The following UNC13B variants were observed in gnomAD, a reference collection of about 807,000 sequenced individuals.
The protein encoded by UNC13B is unc-13 homolog B.
Under a neutral mutation model 211.0 loss-of-function variants are expected in UNC13B, and 144 were observed. That is an observed-to-expected ratio of 0.68 (90% CI 0.60 to 0.78). The LOEUF (loss-of-function observed/expected upper bound fraction) is 0.78, where lower values mean the gene tolerates loss of function less well. UNC13B is among the 30% of genes least tolerant of loss of function. The probability of loss-of-function intolerance (pLI) is 0.00; values close to 1 mark genes in which losing one functional copy is unlikely to be tolerated. For missense variants in UNC13B, 1,777 were observed against 2,002.0 expected, an observed-to-expected ratio of 0.89 and a Z score of 2.14; for synonymous variants, 709 against 725.8, an observed-to-expected ratio of 0.98 and a Z score of 0.37.
At chr9:35,379,687 A>T (rs1475833169) in intron 17 of UNC13B, among the ~76,000 whole-genome samples, 1 of 152,220 alleles carries the variant, frequency 6.6e-6, no homozygotes, top group Non-Finnish European at 1.5e-5. Flanking sequence ...GTGTATCCAA[A>T]AATGAATAGA....
chr9:35,359,736 C>T (rs1833270809), intron 11 of UNC13B, among the ~76,000 whole-genome samples: 1 of 152,152 alleles, frequency 6.6e-6, no homozygotes, highest in Non-Finnish European at 1.5e-5. Context: ...TATCTTGAAT[C>T]TTGCCATTAT....
chr9:35,204,306 A>C (rs1383856888), intron 1 of UNC13B, among the ~76,000 whole-genome samples: 3 of 152,208 alleles, frequency 2.0e-5, no homozygotes, highest in African/African-American at 7.2e-5. Context: ...GAGAACCTCT[A>C]CTAGTGCAGT....
rs1192824832 is a variant in UNC13B, at chr9:35,301,677, T to A, written c.2273T>A (p.Ile758Lys). 2.5e-6 allele frequency: 1 copy of A among 398,878 alleles called. No homozygotes were observed. The allele number at this position is 398,878 out of a possible 1,614,324, so 24.7% of individuals were successfully genotyped here. A position where few individuals can be genotyped will look rare whatever the true frequency, so the allele number is the denominator to read the frequency against. ...DESLLEEKLC[I>K]DLSLLPDQQK... ...AGTCTATTGGAAGAAAAACTCTGTATAGATCTGTCTCTTTTACCAGATCAA... is the reference window on the plus strand; with the variant it reads ...AGTCTATTGGAAGAAAAACTCTGTAAAGATCTGTCTCTTTTACCAGATCAA... Residue 758 changes from isoleucine to lysine, a missense_variant, in exon 9 of 40, where the codon ATA becomes AAA. Coordinates refer to ENST00000635942, the MANE Select transcript of UNC13B (RefSeq NM_001371189.2).
rs905632394 is a variant in UNC13B at position 35,403,665 on chromosome 9, G to C, written c.12737+66G>C. ...TAAGACTTGAGGGGTGGGGGGAGAG[G>C]AGGGCCCGGGGGGATGGCAGACTGG... On this transcript the variant is annotated intron_variant, in intron 39 of 39. Coordinates refer to ENST00000635942, the MANE Select transcript of UNC13B (RefSeq NM_001371189.2). The C allele has an allele frequency of 6.8e-6, 6 of 878,986 alleles. No individual in the cohort carries two copies. The African/African-American group carries it at 1.1e-4, about 16-fold the overall frequency. 54.4% of individuals were successfully genotyped at this position (878,986 alleles called of 1,614,324 possible).
chr9:35,262,262 T>A (rs1827321298), intron 7 of UNC13B, among the ~76,000 whole-genome samples: 1 of 151,854 alleles, frequency 6.6e-6, no homozygotes, highest in Non-Finnish European at 1.5e-5. Context: ...TCCCTTCCTT[T>A]CCTTTCCTTT....
chr9:35,291,050 T>C, intron 7 of UNC13B: 1 of 1,549,994 alleles, frequency 6.5e-7, no homozygotes, highest in South Asian at 1.2e-5. Context: ...TATCTGCTGC[T>C]TCTTTGTGGT....
At chr9:35,236,697 C>T (rs1825533658) in intron 4 of UNC13B, 111 bp downstream of exon 4, 2 of 1,000,284 alleles carry the variant, frequency 2.0e-6, no homozygotes, top group Admixed American at 2.0e-5. Context: ...ATTCTTCCCC[C>T]TTTCTAATTA....
Position 35,307,185 on chromosome 9 carries a change from A to G in UNC13B, c.7781A>G (p.Asn2594Ser), listed in dbSNP as rs570293553. ...AAACTAACAACCAAAATGGAAGACA[A>G]TAATACTCCTGAAAATATTCTGGAA... ...DPKLTTKMEDNNTPENILEPQ... is the reference protein window; with the variant it reads ...DPKLTTKMEDSNTPENILEPQ... The change falls in exon 9 of 40, where the codon AAT becomes AGT. Residue 2594 changes from asparagine (N) to serine (S), a missense_variant. Transcript: ENST00000635942. The G allele has an allele frequency of 1.8e-4, 70 of 398,990 alleles. No individual in the cohort carries two copies. Among genetic ancestry groups the G allele is most frequent in the Admixed American group, 4.4e-4 (10 of 22,744 alleles). The allele number at this position is 398,990 out of a possible 1,614,324, so 24.7% of individuals were successfully genotyped here.
At chr9:35,213,286 T>C (rs573249430) in intron 1 of UNC13B, among the ~76,000 whole-genome samples, 2 of 152,222 alleles carry the variant, frequency 1.3e-5, no homozygotes, top group East Asian at 3.9e-4. Flanking sequence ...AGTACCCTTA[T>C]AAGAACAGCA....
At chr9:35,199,312 T>C (rs1823131368) in intron 1 of UNC13B, among the ~76,000 whole-genome samples, 1 of 152,206 alleles carries the variant, frequency 6.6e-6, no homozygotes, top group Non-Finnish European at 1.5e-5. Context: ...TACGTGTGCC[T>C]GTGTCTTTAT....
Position 35,300,634 on chromosome 9 carries a change from T to C in UNC13B, c.1230T>C (p.Pro410=). 2.5e-6 allele frequency: 1 copy of C among 399,012 alleles called. No individual in the cohort carries two copies. Among genetic ancestry groups the C allele is most frequent in the Non-Finnish European group, 4.4e-6 (1 of 226,024 alleles). The allele number at this position is 399,012 out of a possible 1,614,324, so 24.7% of individuals were successfully genotyped here. ...ATGTCCACCATATTGGAGATTTTCC[T>C]GAGGAATATTATGTAGCAAATTCAG... is the stretch of plus-strand genomic sequence containing the variant. ...SSNVHHIGDF[P]EEYYVANSAL... is the part of the protein sequence containing the mutation. The change falls in exon 9 of 40, where the codon CCT becomes CCC. Residue 410 remains proline (P), a synonymous_variant. Transcript: ENST00000635942.
chr9:35,179,341 A>T (rs1821808545), intron 1 of UNC13B, among the ~76,000 whole-genome samples: 1 of 152,170 alleles, frequency 6.6e-6, no homozygotes, highest in Admixed American at 6.5e-5. Context: ...CTCTAGTTTA[A>T]TATTTTCATA....
intron 6 of UNC13B, among the ~76,000 whole-genome samples, chr9:35,247,357 C>T (rs1281142675): frequency 6.6e-6 from 1 of 152,132 alleles, no homozygotes; most frequent in Non-Finnish European, 1.5e-5. Context: ...CTTTGTCCTG[C>T]CTGATTGCCC....
Position 35,295,911 on chromosome 9 carries a change from C to G in UNC13B, c.742C>G (p.Pro248Ala). The change falls in exon 8 of 40, where the codon CCA becomes GCA. Residue 248 changes from proline to alanine, a missense_variant. By Grantham distance (27) the Pro-to-Ala change is conservative. Coordinates refer to ENST00000635942, the MANE Select transcript of UNC13B (RefSeq NM_001371189.2). ...TATGCAAAGTTATGACCTTGATTAT[C>G]CAGAGCGGCGGGCTATCAGGTGGGT... ...DSMQSYDLDY[P>A]ERRAIRYAQK... 6.2e-7 allele frequency: 1 copy of G among 1,611,720 alleles called. No homozygotes were observed. Among genetic ancestry groups the G allele is most frequent in the Non-Finnish European group, 8.5e-7 (1 of 1,178,890 alleles).
intron 3 of UNC13B, among the ~76,000 whole-genome samples, chr9:35,233,824 T>C (rs1031432616): frequency 6.6e-6 from 1 of 152,188 alleles, no homozygotes; most frequent in African/African-American, 2.4e-5. Context: ...TTGATTGAAT[T>C]AACAGAAAAG....
chr9:35,381,229 T>C lies in UNC13B; in HGVS notation c.10491+14T>C, dbSNP rs1208664365. The C allele has an allele frequency of 1.2e-6, 2 of 1,607,376 alleles. No individual in the cohort carries two copies. The highest frequency in any genetic ancestry group is 3.4e-5 in the Admixed American group (2 of 59,686). On this transcript the variant is annotated intron_variant, in intron 19 of 39. Transcript: ENST00000635942. ...TGTCTCCATGAGGTGAGCCAGCCCTTGGTAGGTGGGGGATCAGAAAGCAGT... is the reference window on the plus strand; with the variant it reads ...TGTCTCCATGAGGTGAGCCAGCCCTCGGTAGGTGGGGGATCAGAAAGCAGT...
chr9:35,367,507 A>G (rs1159344663), intron 12 of UNC13B, among the ~76,000 whole-genome samples: 1 of 152,088 alleles, frequency 6.6e-6, no homozygotes, highest in Non-Finnish European at 1.5e-5. Flanking sequence ...TTTTGTTACA[A>G]TCCACTTACA....
At chr9:35,403,304 C>G (rs758711922) in intron 38 of UNC13B, 45 bp downstream of exon 38, 8 of 1,607,674 alleles carry the variant, frequency 5.0e-6, no homozygotes, top group Non-Finnish European at 6.0e-6. Context: ...GCCCAGTGGC[C>G]TCACTCATCA....
chr9:35,335,361 C>G (rs764174561), intron 11 of UNC13B, among the ~76,000 whole-genome samples: 5 of 152,192 alleles, frequency 3.3e-5, no homozygotes, highest in Non-Finnish European at 7.3e-5. Flanking sequence ...ATGTTGCATT[C>G]TTCCTGTGGA....
Sources: gnomAD v4.1 joint callset for allele counts (sites outside exome capture counted in the v4.1 genomes callset) on GRCh38, gnomAD v4.1.1 for gene constraint, MANE v1.5 for transcripts, NCBI Gene and HGNC (gene_info 2026-07-23, HGNC 2026-07-21) for gene names.